Variants in POLD1 observed in about 807,000 individuals in gnomAD.
POLD1 encodes DNA polymerase delta 1, catalytic subunit.
Under a neutral mutation model 129.7 loss-of-function variants are expected in POLD1, and 79 were observed. That is an observed-to-expected ratio of 0.61 (90% CI 0.51 to 0.73). The LOEUF (loss-of-function observed/expected upper bound fraction) is 0.73, where lower values mean the gene tolerates loss of function less well. Among genes scored for constraint, POLD1 ranks in the 30% least tolerant of loss-of-function variants. The probability of loss-of-function intolerance (pLI) is 0.00; values close to 1 mark genes in which losing one functional copy is unlikely to be tolerated. For missense variants in POLD1, 1,338 were observed against 1,595.8 expected (o/e 0.84, Z 2.75); for synonymous variants, 714 against 683.3 (o/e 1.04, Z -0.70).
At chr19:50,408,554 A>T (rs1361650138) in intron 14 of POLD1, among the ~76,000 whole-genome samples, 2 of 151,270 alleles carry the variant, frequency 1.3e-5, no homozygotes, top group Non-Finnish European at 2.9e-5. Context: ...CTAATTTTTA[A>T]AATTTTTTTG....
In POLD1 at chr19:50,406,491, C is replaced by A; in HGVS notation, c.1468C>A (p.Gln490Lys). The change falls in exon 12 of 27, where the codon CAG (glutamine) becomes AAG (lysine). Residue 490 changes from glutamine to lysine, a missense_variant. Transcript: ENST00000440232. This position sits in a 1 kb window ranked among gnomAD's most constrained non-coding sequence, Gnocchi z 5.5. Reference protein sequence around the residue: ...HFLGEQKEDVQHSIITDLQNG... With the variant: ...HFLGEQKEDVKHSIITDLQNG... The stretch of plus-strand genomic sequence containing the variant: ...CCTGGGCGAGCAGAAGGAGGACGTG[C>A]AGCACAGCATCATCACCGACCTGCA... 1 of 1,592,000 alleles carries A rather than the reference C, an allele frequency of 6.3e-7. No individual in the cohort carries two copies. Among genetic ancestry groups the A allele is most frequent in the East Asian group, 2.3e-5 (1 of 43,684 alleles).
At chr19:50,417,009 G>A in intron 24 of POLD1, 36 bp from the exon 25 acceptor site, 1 of 1,540,732 alleles carries the variant, frequency 6.5e-7, no homozygotes, top group Non-Finnish European at 8.8e-7. Flanking sequence ...GTTCCTGGCT[G>A]GGCCCCAGCA....
chr19:50,402,262 T>C lies in POLD1; in HGVS notation c.647T>C (p.Leu216Pro). ...PSPFLRITVA[L>P]PRLVAPARRL... ...CCGTTCCTGCGCATCACCGTGGCGC[T>C]GCCGCGCCTCGTGGCCCCGGCCCGC... Residue 216 changes from leucine to proline, a missense_variant, in exon 6 of 27, where the codon CTG (leucine) becomes CCG (proline). Physicochemically the swap from Leu to Pro is moderately conservative, Grantham distance 98. Coordinates refer to ENST00000440232, the MANE Select transcript of POLD1 (RefSeq NM_002691.4). The C allele has an allele frequency of 6.2e-7, 1 of 1,603,040 alleles. No homozygotes were observed. Among genetic ancestry groups the C allele is most frequent in the Non-Finnish European group, 8.5e-7 (1 of 1,173,806 alleles).
intron 14 of POLD1, 21 bp from the exon 15 acceptor site, chr19:50,408,764 C>A: frequency 6.2e-7 from 1 of 1,612,894 alleles, no homozygotes; most frequent in Non-Finnish European, 8.5e-7. Flanking sequence ...TGACTCCCGG[C>A]CGCGGCTGCT....
At chr19:50,416,570 G>A (rs1201564830) in intron 23 of POLD1, 40 bp from the exon 24 acceptor site, 3 of 1,547,936 alleles carry the variant, frequency 1.9e-6, no homozygotes, top group Non-Finnish European at 1.7e-6. Flanking sequence ...TGGGGGGGCA[G>A]AGGAGATCAC....
At chr19:50,397,964 A>G (rs1444395048) in intron 1 of POLD1, among the ~76,000 whole-genome samples, 4 of 152,212 alleles carry the variant, frequency 2.6e-5, no homozygotes, top group African/African-American at 7.2e-5. Flanking sequence ...GTTAGGCACT[A>G]CGTGCTAACA....
intron 3 of POLD1, among the ~76,000 whole-genome samples, chr19:50,401,274 T>C (rs911759371): frequency 6.8e-6 from 1 of 146,026 alleles, no homozygotes; most frequent in Non-Finnish European, 1.5e-5. Context: ...TATGTATTAA[T>C]TTATGTATAA....
Position 50,409,777 on chromosome 19 carries a change from C to G in POLD1, c.2154+111C>G. The G allele has an allele frequency of 8.3e-7, 1 of 1,209,430 alleles. No individual in the cohort carries two copies. Among genetic ancestry groups the G allele is most frequent in the African/African-American group, 1.5e-5 (1 of 65,784 alleles). The allele number at this position is 1,209,430 out of a possible 1,614,324, so 74.9% of individuals were successfully genotyped here. ...CCAGAGGACTGGGCACCCCAACTCA[C>G]TGGCCTTCTAGAGAGAGGATGCCAA... On this transcript the variant is annotated intron_variant, in intron 17 of 26. Transcript: ENST00000440232. The surrounding 1 kb of genome is among the most constrained non-coding windows in gnomAD (Gnocchi z 5.8).
chr19:50,417,061 C>T lies in POLD1; in HGVS notation c.3084C>T (p.Phe1028=). The change falls in exon 25 of 27, where the codon TTC becomes TTT. Residue 1028 remains phenylalanine, a synonymous_variant. Coordinates refer to ENST00000440232, the MANE Select transcript of POLD1 (RefSeq NM_002691.4). ...VLSHQGAVCE[F]CQPRESELYQ... is the part of the protein sequence containing the mutation. ...TCCCCACAGGAGCCGTGTGTGAGTTCTGCCAGCCCCGGGAGTCTGAGCTGT... is the reference window on the plus strand; with the variant it reads ...TCCCCACAGGAGCCGTGTGTGAGTTTTGCCAGCCCCGGGAGTCTGAGCTGT... The T allele has an allele frequency of 6.4e-7, 1 of 1,551,936 alleles. No homozygotes were observed. Among genetic ancestry groups the T allele is most frequent in the East Asian group, 2.4e-5 (1 of 41,038 alleles).
chr19:50,416,112 C>A, intron 22 of POLD1: 2 of 580,836 alleles, frequency 3.4e-6, no homozygotes, highest in Non-Finnish European at 6.1e-6. Context: ...TCTACCCCCA[C>A]CCCCAGTGAC....
chr19:50,395,418 C>T (rs1420837314), intron 1 of POLD1, among the ~76,000 whole-genome samples: 16 of 151,930 alleles, frequency 1.1e-4, no homozygotes, highest in South Asian at 2.1e-4. Flanking sequence ...CCCGTCTCTA[C>T]TAAAAATACA....
intron 1 of POLD1, among the ~76,000 whole-genome samples, chr19:50,398,511 A>G (rs536514079): frequency 2.0e-4 from 26 of 130,938 alleles, no homozygotes; most frequent in South Asian, 1.8e-3. Flanking sequence ...TAGAGCTTGC[A>G]GTGAGCCGAG....
intron 22 of POLD1, 127 bp from the exon 23 acceptor site, chr19:50,416,269 C>G (rs1480864273): frequency 1.0e-6 from 1 of 982,674 alleles, no homozygotes; most frequent in African/African-American, 1.6e-5. Context: ...CATCCCAGAC[C>G]CAGGCCCCCC....
At chr19:50,398,392 C>T (rs1413168338) in intron 1 of POLD1, among the ~76,000 whole-genome samples, 1 of 151,768 alleles carries the variant, frequency 6.6e-6, no homozygotes, top group African/African-American at 2.4e-5. Flanking sequence ...GCCAACATGG[C>T]AAAACCCCGT....
At position 50,416,608 on chromosome 19, in the gene POLD1, A is replaced by C. The variant is rs1022546996; in HGVS notation, c.2954-2A>C. ...GCCCACCACCTGCCTCCTCTCCTGC[A>C]GGGGGGGACCACACGCGCTGCAAGA... On this transcript the variant is annotated splice_acceptor_variant, in intron 23 of 26. Coordinates refer to ENST00000440232, the MANE Select transcript of POLD1 (RefSeq NM_002691.4). LOFTEE classifies it high-confidence loss of function. 1 of 1,558,620 alleles carries C rather than the reference A, an allele frequency of 6.4e-7. No homozygotes were observed. Among genetic ancestry groups the C allele is most frequent in the Non-Finnish European group, 8.7e-7 (1 of 1,155,456 alleles).
intron 3 of POLD1, among the ~76,000 whole-genome samples, chr19:50,400,467 G>T (rs1157003359): frequency 6.9e-6 from 1 of 144,892 alleles, no homozygotes; most frequent in Admixed American, 7.0e-5. Context: ...GTGATCTGCC[G>T]ACCTTGGCCT....
Position 50,406,934 on chromosome 19 carries a change from C to T in POLD1, c.1495-49C>T, listed in dbSNP as rs771893682. On this transcript the variant is annotated intron_variant, in intron 12 of 26. Transcript: ENST00000440232. This position sits in a 1 kb window ranked among gnomAD's most constrained non-coding sequence, Gnocchi z 5.5. ...CCCCCACTTCCTTCTCCTGCTCCAC[C>T]TCCCACCCCCAACCCCTGGTCCCTG... is the stretch of plus-strand genomic sequence containing the variant. 7.1e-7 allele frequency: 1 copy of T among 1,411,520 alleles called. No individual in the cohort carries two copies. The highest frequency in any genetic ancestry group is 9.7e-7 in the Non-Finnish European group (1 of 1,035,534). The allele number at this position is 1,411,520 out of a possible 1,614,324, so 87.4% of individuals were successfully genotyped here. A position where few individuals can be genotyped will look rare whatever the true frequency, so the allele number is the denominator to read the frequency against.
chr19:50,401,359 GTATA>G (rs1304573426), intron 3 of POLD1, among the ~76,000 whole-genome samples: 967 of 90,472 alleles, frequency 0.011, 25 homozygotes, highest in African/African-American at 0.045. Flanking sequence ...GTGTATTTGT[GTATA>G]TGTGTATATA....
At chr19:50,400,522 ATT>A (rs1016107364) in intron 3 of POLD1, among the ~76,000 whole-genome samples, 23 of 63,510 alleles carry the variant, frequency 3.6e-4, no homozygotes, top group South Asian at 3.5e-3. Flanking sequence ...TGCCCCGCCT[ATT>A]TTTTTTTTTT....
Sources: allele counts gnomAD v4.1 joint callset (sites outside exome capture counted in the v4.1 genomes callset), GRCh38; gene constraint gnomAD v4.1.1; non-coding constraint Gnocchi (gnomAD v3.1); transcripts MANE v1.5; gene names NCBI Gene and HGNC (gene_info 2026-07-23, HGNC 2026-07-21).